The following CPED1 variants were observed in gnomAD, a reference collection of about 807,000 sequenced individuals.
CPED1 encodes cadherin-like and PC-esterase domain-containing protein 1.
In CPED1, 114 loss-of-function variants were observed where a neutral mutation model predicts 128.2. The ratio of observed to expected loss-of-function variants is 0.89; its 90% CI spans 0.76 to 1.04. The LOEUF is 1.04. Ranked by LOEUF, CPED1 falls within the 50% of genes least tolerant of loss-of-function variation. CPED1 has a pLI of 0.00. For synonymous variants in CPED1, 462 were observed against 426.7 expected (o/e 1.08, Z -1.02); for missense variants, 1,211 against 1,207.1 (o/e 1.00, Z -0.05).
intron 2 of CPED1, among the ~76,000 whole-genome samples, chr7:121,015,366 T>C (rs1352978435): frequency 3.3e-5 from 5 of 152,238 alleles, no homozygotes; most frequent in Admixed American, 2.0e-4. Context: ...GCTATTAATT[T>C]GTATTTTCAG....
At chr7:121,192,577 CAT>C (rs936413136) in intron 16 of CPED1, among the ~76,000 whole-genome samples, 42 of 152,188 alleles carry the variant, frequency 2.8e-4, no homozygotes, top group Admixed American at 8.5e-4. Flanking sequence ...GTACCCGACA[CAT>C]AGCTTAATAT....
At chr7:121,012,585 A>C (rs1189137401) in intron 2 of CPED1, among the ~76,000 whole-genome samples, 1 of 152,222 alleles carries the variant, frequency 6.6e-6, no homozygotes. Context: ...AATTGTTCAC[A>C]TCGTTTTAAT....
In CPED1 at chr7:121,177,640, A is replaced by G. The variant is rs79508446; in HGVS notation, c.2055+35499A>G. On this transcript the variant is annotated intron_variant, in intron 16 of 22. Coordinates refer to ENST00000310396, the MANE Select transcript of CPED1 (RefSeq NM_024913.5). The stretch of plus-strand genomic sequence containing the variant: ...AAGAGTTACACACATATAACAGTGC[A>G]ACGGCTAGTTCCTTCCAAAGAGCAG... Among the ~76,000 whole-genome samples, 620 of 152,202 alleles carry G rather than the reference A, an allele frequency of 4.1e-3. 12 individuals are homozygous for G. In the East Asian group the frequency reaches 0.062, roughly 15 times the overall value.
intron 16 of CPED1, among the ~76,000 whole-genome samples, chr7:121,226,316 G>A (rs1014010934): frequency 6.6e-6 from 1 of 151,962 alleles, no homozygotes; most frequent in East Asian, 1.9e-4. Flanking sequence ...GCCGAGGCTT[G>A]GTTGGAAATG....
At chr7:121,021,654 T>C (rs927922418) in intron 3 of CPED1, among the ~76,000 whole-genome samples, 2 of 152,042 alleles carry the variant, frequency 1.3e-5, no homozygotes, top group Non-Finnish European at 2.9e-5. Flanking sequence ...AGAACCTAGG[T>C]TGGAGTCCTT....
At chr7:121,282,397 T>C (rs977339835) in intron 22 of CPED1, among the ~76,000 whole-genome samples, 3 of 152,128 alleles carry the variant, frequency 2.0e-5, no homozygotes, top group African/African-American at 7.2e-5. Context: ...CCCAAATGGC[T>C]CTCTGATTTT....
intron 16 of CPED1, among the ~76,000 whole-genome samples, chr7:121,177,350 T>G (rs1796805272): frequency 2.0e-5 from 3 of 151,982 alleles, no homozygotes; most frequent in Admixed American, 2.0e-4. Flanking sequence ...TAGTTGATAT[T>G]AGTTCTGTCT....
At position 121,295,463 on chromosome 7, in the gene CPED1, A is replaced by G; in HGVS notation, c.2892A>G (p.Lys964=). The part of the protein sequence containing the change: ...FHEVVKSKLS[K]EYNFIKMKRS... ...AGGTAGTGAAATCAAAGTTATCCAAAGAATATAACTTTATTAAAATGAAAA... is the reference window on the plus strand; with the variant it reads ...AGGTAGTGAAATCAAAGTTATCCAAGGAATATAACTTTATTAAAATGAAAA... Residue 964 remains lysine (K), a synonymous_variant, in exon 23 of 23, where the codon AAA becomes AAG. Transcript: ENST00000310396. The G allele has an allele frequency of 6.2e-7, 1 of 1,612,606 alleles. No individual in the cohort carries two copies. Among genetic ancestry groups the G allele is most frequent in the Non-Finnish European group, 8.5e-7 (1 of 1,179,270 alleles).
intron 16 of CPED1, among the ~76,000 whole-genome samples, chr7:121,156,320 A>T (rs1796280944): frequency 8.4e-6 from 1 of 118,922 alleles, no homozygotes. Context: ...CAGATGATCC[A>T]TCAGCCCACT....
chr7:121,292,062 C>A (rs1212690272), intron 22 of CPED1, among the ~76,000 whole-genome samples: 2 of 152,070 alleles, frequency 1.3e-5, no homozygotes, highest in Non-Finnish European at 2.9e-5. Context: ...GCCTGCCTTG[C>A]TAGGTTGGGG....
At chr7:121,065,646 T>C (rs1166245552) in intron 5 of CPED1, among the ~76,000 whole-genome samples, 1 of 152,132 alleles carries the variant, frequency 6.6e-6, no homozygotes, top group Non-Finnish European at 1.5e-5. Flanking sequence ...CAGAAATAGA[T>C]TACCAGTGTT....
chr7:121,157,409 G>T (rs1205249789), intron 16 of CPED1, among the ~76,000 whole-genome samples: 3 of 152,090 alleles, frequency 2.0e-5, no homozygotes, highest in Non-Finnish European at 4.4e-5. Context: ...AAGGTTTGAG[G>T]GGCCAACATT....
intron 16 of CPED1, chr7:121,194,828 G>T (rs1797233726): frequency 6.6e-6 from 1 of 152,092 alleles, no homozygotes; most frequent in African/African-American, 2.4e-5. Context: ...GAGTGCAGTG[G>T]TGCTTTCACC....
chr7:121,019,163 T>C (rs1010143640), intron 3 of CPED1, among the ~76,000 whole-genome samples: 1 of 152,022 alleles, frequency 6.6e-6, no homozygotes, highest in Middle Eastern at 3.2e-3. Context: ...AGAATATGGG[T>C]GTTATGTCAC....
intron 3 of CPED1, among the ~76,000 whole-genome samples, chr7:121,026,730 T>C (rs936775260): frequency 5.9e-5 from 9 of 151,516 alleles, no homozygotes; most frequent in Non-Finnish European, 1.2e-4. Context: ...ATAACCATAG[T>C]AATTGGCCTG....
chr7:121,067,167 G>A (rs548663538), intron 5 of CPED1, among the ~76,000 whole-genome samples: 22 of 152,094 alleles, frequency 1.4e-4, no homozygotes, highest in African/African-American at 3.9e-4. Flanking sequence ...ACAACGTGCA[G>A]GTTTGTTACA....
intron 5 of CPED1, among the ~76,000 whole-genome samples, chr7:121,072,390 T>C (rs552660739): frequency 6.6e-6 from 1 of 152,202 alleles, no homozygotes; most frequent in African/African-American, 2.4e-5. Context: ...GGAAAATTCA[T>C]ACCAAAAAAT....
intron 7 of CPED1, among the ~76,000 whole-genome samples, chr7:121,109,253 T>G (rs904181469): frequency 6.6e-6 from 1 of 152,180 alleles, no homozygotes; most frequent in African/African-American, 2.4e-5. Flanking sequence ...AAGACGTATT[T>G]CATTGCTTTT....
chr7:121,002,252 TA>T (rs1405459032), intron 2 of CPED1, among the ~76,000 whole-genome samples: 4 of 152,142 alleles, frequency 2.6e-5, no homozygotes, highest in Non-Finnish European at 5.9e-5. Flanking sequence ...AATCTAGTAT[TA>T]ATTTAGCCAA....
Sources: gnomAD v4.1 joint callset for allele counts (sites outside exome capture counted in the v4.1 genomes callset) on GRCh38, gnomAD v4.1.1 for gene constraint, MANE v1.5 for transcripts, NCBI Gene and HGNC (gene_info 2026-07-23, HGNC 2026-07-21) for gene names.